The following NECTIN4 variants were observed in gnomAD, a reference collection of about 807,000 sequenced individuals.
NECTIN4 encodes the protein nectin cell adhesion molecule 4.
NECTIN4 carries 19 observed loss-of-function variants against 51.7 expected under a neutral mutation model. The ratio of observed to expected loss-of-function variants is 0.37; its 90% CI spans 0.26 to 0.54. The LOEUF (loss-of-function observed/expected upper bound fraction) is 0.54. Ranked by LOEUF, NECTIN4 falls within the 20% of genes least tolerant of loss-of-function variation. The pLI, the probability that NECTIN4 is intolerant of heterozygous loss-of-function variation, is 0.86. For missense variants in NECTIN4, 619 were observed against 662.4 expected (o/e 0.93, Z 0.72); for synonymous variants, 283 against 286.9 (o/e 0.99, Z 0.14).
In NECTIN4 at chr1:161,077,667, T is replaced by G. The variant is rs1251112396; in HGVS notation, c.516A>C (p.Thr172=). ...GQGLTLAASC[T]AEGSPAPSVT... is the part of the protein sequence containing the mutation. ...CGCTGGGGGCTGGGCTGCCCTCAGCTGTGCAGGAGGCTGCCAGGGTCAGGC... is the reference window on the plus strand; with the variant it reads ...CGCTGGGGGCTGGGCTGCCCTCAGCGGTGCAGGAGGCTGCCAGGGTCAGGC... The change falls in exon 3 of 9, where the codon ACA becomes ACC. Residue 172 remains threonine (T), a synonymous_variant. Transcript: ENST00000368012. The G allele has an allele frequency of 6.2e-7, 1 of 1,613,304 alleles. No individual in the cohort carries two copies. Among genetic ancestry groups the G allele is most frequent in the Non-Finnish European group, 8.5e-7 (1 of 1,180,004 alleles).
intron 4 of NECTIN4, among the ~76,000 whole-genome samples, chr1:161,075,304 T>C (rs912630258): frequency 3.8e-4 from 58 of 152,300 alleles, no homozygotes; most frequent in African/African-American, 1.3e-3. Flanking sequence ...AAGGATGCCT[T>C]GAGGGAACTG....
chr1:161,083,067 C>T (rs1319620241), intron 1 of NECTIN4, among the ~76,000 whole-genome samples: 1 of 152,150 alleles, frequency 6.6e-6, no homozygotes, highest in East Asian at 1.9e-4. Context: ...CCAGCGCATG[C>T]CTGAATGTCA....
intron 7 of NECTIN4, 71 bp from the exon 8 acceptor site, chr1:161,073,370 C>T: frequency 8.1e-7 from 1 of 1,233,226 alleles, no homozygotes; most frequent in South Asian, 1.2e-5. Context: ...CCCCTCTTGT[C>T]CTCCACCAGC....
At chr1:161,076,162 G>A (rs1334963878) in intron 4 of NECTIN4, among the ~76,000 whole-genome samples, 193 bp downstream of exon 4, 2 of 152,178 alleles carry the variant, frequency 1.3e-5, no homozygotes, top group African/African-American at 4.8e-5. Context: ...TAGATTCCCT[G>A]GGCAAGCCAA....
Position 161,079,585 on chromosome 1 carries a change from C to A in NECTIN4, c.439+5G>T. The A allele has an allele frequency of 6.2e-7, 1 of 1,603,138 alleles. No individual in the cohort carries two copies. The highest frequency in any genetic ancestry group is 2.2e-5 in the East Asian group (1 of 44,836). ...CTCAGACCGTACCCAGAGATCCCCG[C>A]TTACCCAGCACTCGGAGCCGCAGCC... On this transcript the variant is annotated splice_donor_5th_base_variant and intron_variant, in intron 2 of 8. Transcript: ENST00000368012.
At chr1:161,088,616 C>T (rs1440666142) in intron 1 of NECTIN4, among the ~76,000 whole-genome samples, 1 of 152,026 alleles carries the variant, frequency 6.6e-6, no homozygotes, top group Non-Finnish European at 1.5e-5. Flanking sequence ...AATATTGTGC[C>T]CAGGGAAAGG....
chr1:161,086,994 A>C (rs1653978538), intron 1 of NECTIN4: 1 of 152,328 alleles, frequency 6.6e-6, no homozygotes, highest in Admixed American at 6.5e-5. Flanking sequence ...CTGGAAGGTC[A>C]ATAGAGATCA....
Position 161,089,331 on chromosome 1 carries a change from TCCA to T in NECTIN4, c.-38_-36del. The T allele has an allele frequency of 6.4e-7, 1 of 1,569,022 alleles. No individual in the cohort carries two copies. Among genetic ancestry groups the T allele is most frequent in the Non-Finnish European group, 8.7e-7 (1 of 1,153,740 alleles). On this transcript the variant is annotated 5_prime_UTR_variant, in exon 1 of 9. Coordinates refer to ENST00000368012, the MANE Select transcript of NECTIN4 (RefSeq NM_030916.3). This position sits in a 1 kb window ranked among gnomAD's most constrained non-coding sequence, Gnocchi z 4.1. ...GCAGACTGCCCAGCGTTTCTGAAGT[TCCA>T]CCGAGATCTCCCTGGGAGCCGGCTG...
At chr1:161,080,075 T>G in intron 1 of NECTIN4, 126 bp from the exon 2 acceptor site, 2 of 1,148,896 alleles carry the variant, frequency 1.7e-6, no homozygotes, top group Non-Finnish European at 2.4e-6. Flanking sequence ...CAAAGCACAT[T>G]CAGTTCATTA....
Position 161,082,457 on chromosome 1 carries a change from C to T in NECTIN4, c.80-2508G>A, listed in dbSNP as rs373591385. ...GGGTTCACTGCCAAAGGGAGCACCT[C>T]CAGACTGGACAGAGGAAAAAAATAG... On this transcript the variant is annotated intron_variant, in intron 1 of 8. Transcript: ENST00000368012. 3.9e-5 allele frequency among the ~76,000 whole-genome samples: 6 copies of T among 152,044 alleles called. No homozygotes were observed. The East Asian group carries it at 1.2e-3, about 29-fold the overall frequency.
intron 3 of NECTIN4, among the ~76,000 whole-genome samples, 174 bp from the exon 4 acceptor site, chr1:161,076,649 C>T (rs950839160): frequency 6.6e-6 from 1 of 152,130 alleles, no homozygotes; most frequent in Admixed American, 6.5e-5. Flanking sequence ...AGCTCCTGGC[C>T]ACACTGTTCC....
At chr1:161,085,608 C>G (rs963277132) in intron 1 of NECTIN4, among the ~76,000 whole-genome samples, 2 of 152,004 alleles carry the variant, frequency 1.3e-5, no homozygotes, top group African/African-American at 4.8e-5. Context: ...GCTGCCTGTT[C>G]CAGTGAAAGA....
At chr1:161,078,290 GTATT>G (rs61608821) in intron 2 of NECTIN4, among the ~76,000 whole-genome samples, 117,739 of 150,122 alleles carry the variant, frequency 0.78, 46,400 homozygotes, top group African/African-American at 0.85. Flanking sequence ...TTTATTTTAT[GTATT>G]TATTTATTTA....
At chr1:161,081,059 G>A (rs1480348267) in intron 1 of NECTIN4, among the ~76,000 whole-genome samples, 1 of 152,146 alleles carries the variant, frequency 6.6e-6, no homozygotes, top group African/African-American at 2.4e-5. Flanking sequence ...TTCTAAATCA[G>A]GAACCACGGT....
In NECTIN4 at chr1:161,073,266, G is replaced by A. The variant is rs1192933943; in HGVS notation, c.1267C>T (p.His423Tyr). Residue 423 changes from histidine (H) to tyrosine (Y), a missense_variant, in exon 8 of 9, where the codon CAC (histidine) becomes TAC (tyrosine). Physicochemically the swap from His to Tyr is moderately conservative, Grantham distance 83 (BLOSUM62 2). Around this residue, in one of 3 missense-constraint regions of NECTIN4, gnomAD observed 364 missense variants for 415.7 expected, o/e 0.88. Transcript: ENST00000368012. ...CTGTTGTCCTTGAGACTATCAGGGTGGCCCTCGGCTCTCAGCCCTACACTC... is the reference window on the plus strand; with the variant it reads ...CTGTTGTCCTTGAGACTATCAGGGTAGCCCTCGGCTCTCAGCCCTACACTC... ...EESVGLRAEG[H>Y]PDSLKDNSSC... The A allele has an allele frequency of 6.2e-6, 10 of 1,613,980 alleles. No homozygotes were observed. In the Admixed American group the frequency reaches 1.7e-4, roughly 27 times the overall value.
chr1:161,073,067 C>T (rs893649232), intron 8 of NECTIN4, among the ~76,000 whole-genome samples, 158 bp downstream of exon 8: 11 of 152,194 alleles, frequency 7.2e-5, no homozygotes, highest in Middle Eastern at 6.8e-3. Flanking sequence ...GAGAGGGAGA[C>T]GGGAGAACAA....
intron 1 of NECTIN4, among the ~76,000 whole-genome samples, chr1:161,083,013 T>G (rs1326911474): frequency 6.6e-6 from 1 of 152,110 alleles, no homozygotes; most frequent in Non-Finnish European, 1.5e-5. Flanking sequence ...CACCTATATT[T>G]CCCTTGGAAA....
chr1:161,089,221 T>TAA lies in NECTIN4; in HGVS notation c.74_75dup (p.Thr26LeufsTer16). Reference sequence around the variant, plus strand: ...TGATGGTTCAGGCAAGTCCTACCTGTAAATGATGCCAGCAGTAGCAGCAGC... The same window carrying TAA: ...TGATGGTTCAGGCAAGTCCTACCTGTAAAAATGATGCCAGCAGTAGCAGCAGC... On this transcript the variant is annotated frameshift_variant, in exon 1 of 9. Transcript: ENST00000368012. LOFTEE classifies it high-confidence loss of function. The surrounding 1 kb of genome is among the most constrained non-coding windows in gnomAD (Gnocchi z 4.1). The TAA allele has an allele frequency of 1.2e-6, 2 of 1,613,166 alleles. No homozygotes were observed. The highest frequency in any genetic ancestry group is 1.7e-6 in the Non-Finnish European group (2 of 1,179,974).
intron 7 of NECTIN4, 140 bp from the exon 8 acceptor site, chr1:161,073,439 A>T: frequency 1.3e-6 from 1 of 765,756 alleles, no homozygotes; most frequent in Non-Finnish European, 2.2e-6. Context: ...GGAAACAAAC[A>T]TCCTCATTTC....
Sources: gnomAD v4.1 joint callset for allele counts (sites outside exome capture counted in the v4.1 genomes callset) on GRCh38, gnomAD v4.1.1 for gene constraint, gnomAD v4.1.1 regional missense constraint, Gnocchi (gnomAD v3.1) non-coding constraint, MANE v1.5 for transcripts, NCBI Gene and HGNC (gene_info 2026-07-23, HGNC 2026-07-21) for gene names.